GPAT2: variants seen among roughly 807,000 people sequenced by gnomAD.
The protein encoded by GPAT2 is glycerol-3-phosphate acyltransferase 2, mitochondrial, also known as 1-acylglycerol-3-phosphate O-acyltransferase GPAT2.
A neutral mutation model predicts 71.0 loss-of-function variants in GPAT2; 51 were observed. The observed-to-expected ratio is 0.72, with a 90% CI of 0.57 to 0.91. The LOEUF (loss-of-function observed/expected upper bound fraction) is 0.91, where lower values mean the gene tolerates loss of function less well. GPAT2 is among the 40% of genes least tolerant of loss of function. The pLI, the probability that GPAT2 is intolerant of heterozygous loss-of-function variation, is 0.00. For synonymous variants in GPAT2, 222 were observed against 290.3 expected, an observed-to-expected ratio of 0.76 and a Z score of 2.39; for missense variants, 511 against 666.0, an observed-to-expected ratio of 0.77 and a Z score of 2.56.
rs1179328595 is a variant in GPAT2 at position 96,022,698 on chromosome 2, G to A, written c.2259C>T (p.Ile753=). Residue 753 remains isoleucine, a synonymous_variant, in exon 21 of 22, where the codon ATC becomes ATT. Coordinates refer to ENST00000434632, the MANE Select transcript of GPAT2 (RefSeq NM_001321527.2). ...GGTCTCTGAAGGTCCAGACAGCACT[G>A]ATGGCGAGCTTTGGGTCCGCACACT... ...IFECADPKLA[I]SAVWTFRDLG... is the part of the protein sequence containing the mutation. 6.2e-7 allele frequency: 1 copy of A among 1,614,012 alleles called. No homozygotes were observed. The highest frequency in any genetic ancestry group is 8.5e-7 in the Non-Finnish European group (1 of 1,179,866).
Position 96,022,705 on chromosome 2 carries a change from A to G in GPAT2, c.2252T>C (p.Leu751Pro). Reference sequence around the variant, plus strand: ...GAAGGTCCAGACAGCACTGATGGCGAGCTTTGGGTCCGCACACTCTGGAAA... The same window carrying G: ...GAAGGTCCAGACAGCACTGATGGCGGGCTTTGGGTCCGCACACTCTGGAAA... The part of the protein sequence containing the change: ...EGIFECADPK[L>P]AISAVWTFRD... Residue 751 changes from leucine (L) to proline (P), a missense_variant, in exon 21 of 22, where the codon CTC becomes CCC. By Grantham distance (98) the Leu-to-Pro change is moderately conservative. Around this residue, in one of 7 missense-constraint regions of GPAT2, gnomAD observed 108 missense variants for 117.6 expected, o/e 0.92. Transcript: ENST00000434632. 1.2e-6 allele frequency: 2 copies of G among 1,613,894 alleles called. No homozygotes were observed. The highest frequency in any genetic ancestry group is 1.7e-6 in the Non-Finnish European group (2 of 1,179,854).
intron 21 of GPAT2, 26 bp from the exon 22 acceptor site, chr2:96,022,301 G>A: frequency 6.4e-7 from 1 of 1,566,056 alleles, no homozygotes; most frequent in Non-Finnish European, 8.7e-7. Context: ...TAAGCCGTGA[G>A]TGCGCTCACC....
rs200724949 is a variant in GPAT2 at position 96,024,850 on chromosome 2, T to G, written c.1358-7A>C. ...GCAGAGCTCCCTACACTGGCTGGAG[T>G]GGGGCGGGGGGTGGAGATGCTGGTC... is the stretch of plus-strand genomic sequence containing the variant. On this transcript the variant is annotated splice_region_variant and splice_polypyrimidine_tract_variant and intron_variant, in intron 13 of 21. Transcript: ENST00000434632. 906 of 1,611,866 alleles carry G rather than the reference T, an allele frequency of 5.6e-4. 4 individuals are homozygous for G. The African/African-American group carries it at 0.011, about 20-fold the overall frequency.
At chr2:96,024,105 A>G in intron 16 of GPAT2, 84 bp downstream of exon 16, 5 of 1,574,550 alleles carry the variant, frequency 3.2e-6, no homozygotes, top group Non-Finnish European at 2.6e-6. Flanking sequence ...GAGGTTTCAG[A>G]GGTAGAGCAT....
Position 96,025,575 on chromosome 2 carries a change from G to C in GPAT2, c.1267C>G (p.Gln423Glu). ...CTAVPDTEKE[Q>E]EWTPITGPLL... Reference sequence around the variant, plus strand: ...GGCCCAGTTATGGGGGTCCACTCCTGCTCCTTCTCAGTGTCTGGGACAGCA... The same window carrying C: ...GGCCCAGTTATGGGGGTCCACTCCTCCTCCTTCTCAGTGTCTGGGACAGCA... Residue 423 changes from glutamine (Q) to glutamate (E), a missense_variant, in exon 13 of 22, where the codon CAG (glutamine) becomes GAG (glutamate). By Grantham distance (29) the Gln-to-Glu change is conservative (BLOSUM62 2). Transcript: ENST00000434632. 2 of 1,575,652 alleles carry C rather than the reference G, an allele frequency of 1.3e-6. No homozygotes were observed. The highest frequency in any genetic ancestry group is 8.6e-7 in the Non-Finnish European group (1 of 1,162,350).
chr2:96,024,936 C>T, intron 13 of GPAT2, 93 bp from the exon 14 acceptor site: 1 of 1,371,426 alleles, frequency 7.3e-7, no homozygotes, highest in Non-Finnish European at 1.0e-6. Flanking sequence ...GCCACACATC[C>T]CAACTCCACC....
At chr2:96,031,928 G>A (rs1330838323) in intron 3 of GPAT2, 105 bp downstream of exon 3, 7 of 1,302,798 alleles carry the variant, frequency 5.4e-6, no homozygotes, top group Non-Finnish European at 1.0e-6. Flanking sequence ...GAGGCATGGG[G>A]CAGGGAAGAG....
At chr2:96,025,752 C>A (rs996065765) in intron 12 of GPAT2, 149 bp from the exon 13 acceptor site, 95 of 1,358,204 alleles carry the variant, frequency 7.0e-5, no homozygotes, top group Non-Finnish European at 9.4e-5. Flanking sequence ...CCATCCAGGC[C>A]TCTGTGCCAT....
intron 1 of GPAT2, among the ~76,000 whole-genome samples, chr2:96,033,908 C>T (rs1680838196): frequency 6.9e-6 from 1 of 144,688 alleles, no homozygotes; most frequent in South Asian, 2.2e-4. Context: ...GCTCAGGACT[C>T]CTACAGCAGA....
intron 20 of GPAT2, 106 bp from the exon 21 acceptor site, chr2:96,022,829 T>C: frequency 1.2e-6 from 2 of 1,613,032 alleles, no homozygotes; most frequent in Non-Finnish European, 1.7e-6. Flanking sequence ...GATAGAGCTC[T>C]GACTGGACAG....
rs747625996 is a variant in GPAT2, at chr2:96,025,614, G to A, written c.1239-11C>T. On this transcript the variant is annotated splice_polypyrimidine_tract_variant and intron_variant, in intron 12 of 21. Transcript: ENST00000434632. ...TCTGGGACAGCAGTACTGAGATAGA[G>A]ACACAGATTACAGGATGAAGGGTCC... 11 of 1,555,060 alleles carry A rather than the reference G, an allele frequency of 7.1e-6. No individual in the cohort carries two copies. The highest frequency in any genetic ancestry group is 2.1e-4 in the Middle Eastern group (1 of 4,814).
chr2:96,022,957 C>G lies in GPAT2; in HGVS notation c.2233+1G>C, dbSNP rs755458504. ...GCCTGGGCTGACTGGTTGGGACTCA[C>G]CGAAGATCCCTTCTTCCTGGGCGGT... On this transcript the variant is annotated splice_donor_variant, in intron 20 of 21. Transcript: ENST00000434632. LOFTEE classifies it high-confidence loss of function. 5.0e-6 allele frequency: 8 copies of G among 1,613,844 alleles called. No homozygotes were observed. The highest frequency in any genetic ancestry group is 1.1e-5 in the South Asian group (1 of 91,076).
In GPAT2 at chr2:96,025,587, T is replaced by C. The variant is rs1411135528; in HGVS notation, c.1255A>G (p.Thr419Ala). 4.3e-5 allele frequency: 67 copies of C among 1,573,356 alleles called. No homozygotes were observed. The highest frequency in any genetic ancestry group is 5.7e-5 in the Non-Finnish European group (66 of 1,161,986). The change falls in exon 13 of 22, where the codon ACT (threonine) becomes GCT (alanine). Residue 419 changes from threonine (T) to alanine (A), a missense_variant. Transcript: ENST00000434632. ...VLGQCTAVPD[T>A]EKEQEWTPIT... ...GGGGTCCACTCCTGCTCCTTCTCAG[T>C]GTCTGGGACAGCAGTACTGAGATAG...
At chr2:96,025,823 T>C (rs2104646442) in intron 12 of GPAT2, 107 bp downstream of exon 12, 6 of 1,308,370 alleles carry the variant, frequency 4.6e-6, no homozygotes, top group East Asian at 4.7e-5. Flanking sequence ...GACCCCAGGA[T>C]ACTTGGTGAG....
At position 96,026,308 on chromosome 2, in the gene GPAT2, G is replaced by A. The variant is rs1036169204; in HGVS notation, c.1033-3C>T. The A allele has an allele frequency of 1.2e-5, 19 of 1,525,530 alleles. No homozygotes were observed. Among genetic ancestry groups the A allele is most frequent in the Non-Finnish European group, 1.6e-5 (18 of 1,139,076 alleles). The allele number at this position is 1,525,530 out of a possible 1,614,324, so 94.5% of individuals were successfully genotyped here. On this transcript the variant is annotated splice_region_variant and splice_polypyrimidine_tract_variant and intron_variant, in intron 10 of 21. Coordinates refer to ENST00000434632, the MANE Select transcript of GPAT2 (RefSeq NM_001321527.2). ...CACAGCCCCAGGGGGGCCGAGGCCT[G>A]CAAGGAGGGAAAGGATAACTATACT... is the stretch of plus-strand genomic sequence containing the variant.
Position 96,025,041 on chromosome 2 carries a change from C to T in GPAT2, c.1358-198G>A, listed in dbSNP as rs558984628. The T allele has an allele frequency of 8.1e-5, 52 of 645,906 alleles. No individual in the cohort carries two copies. In the African/African-American group the frequency reaches 8.1e-4, roughly 10 times the overall value. 40.0% of individuals were successfully genotyped at this position (645,906 alleles called of 1,614,324 possible). ...CTGGGGGCCTTCCCCTGGATCTCAT[C>T]GTAGGGCCCACACATCAACCCACAG... On this transcript the variant is annotated intron_variant, in intron 13 of 21. Transcript: ENST00000434632.
Position 96,022,717 on chromosome 2 carries a change from G to C in GPAT2, c.2240C>G (p.Ala747Gly). Residue 747 changes from alanine to glycine, a missense_variant, in exon 21 of 22, where the codon GCG (alanine) becomes GGG (glycine). Transcript: ENST00000434632. ...TAQEEGIFEC[A>G]DPKLAISAVW... ...AGCACTGATGGCGAGCTTTGGGTCC[G>C]CACACTCTGGAAAGAAGAGAGAAGT... 1 of 1,613,952 alleles carries C rather than the reference G, an allele frequency of 6.2e-7. No individual in the cohort carries two copies.
chr2:96,024,131 A>T, intron 16 of GPAT2, 58 bp downstream of exon 16: 1 of 1,532,198 alleles, frequency 6.5e-7, no homozygotes, highest in Non-Finnish European at 8.8e-7. Context: ...GGGATGGGCC[A>T]TTCCTACCAC....
Position 96,024,308 on chromosome 2 carries a change from T to C in GPAT2, c.1717A>G (p.Arg573Gly), listed in dbSNP as rs757322215. Reference sequence around the variant, plus strand: ...TCCCAGGGCCCCTGGGGCGGCACTCTGCCTGCCAGCAGCCCCCGCACTGCA... The same window carrying C: ...TCCCAGGGCCCCTGGGGCGGCACTCCGCCTGCCAGCAGCCCCCGCACTGCA... The part of the protein sequence containing the change: ...ACAVRGLLAG[R>G]VPPQGPWELQ... The change falls in exon 16 of 22, where the codon AGA becomes GGA. Residue 573 changes from arginine (R) to glycine (G), a missense_variant. Coordinates refer to ENST00000434632, the MANE Select transcript of GPAT2 (RefSeq NM_001321527.2). The C allele has an allele frequency of 1.3e-6, 2 of 1,567,850 alleles. No individual in the cohort carries two copies. Among genetic ancestry groups the C allele is most frequent in the Middle Eastern group, 1.7e-4 (1 of 5,838 alleles).
Sources: allele counts gnomAD v4.1 joint callset (sites outside exome capture counted in the v4.1 genomes callset), GRCh38; gene constraint gnomAD v4.1.1; regional missense constraint gnomAD v4.1.1; transcripts MANE v1.5; gene names NCBI Gene and HGNC (gene_info 2026-07-23, HGNC 2026-07-21).